Variants in PDE8B observed in about 807,000 individuals in gnomAD.
The protein encoded by PDE8B is high affinity cAMP-specific and IBMX-insensitive 3',5'-cyclic phosphodiesterase 8B.
PDE8B carries 26 observed loss-of-function variants against 101.3 expected under a neutral mutation model. That is an observed-to-expected ratio of 0.26 (90% confidence interval 0.19 to 0.36). PDE8B has a LOEUF of 0.36. PDE8B is among the 10% of genes least tolerant of loss of function. The pLI is 1.00. For synonymous variants in PDE8B, 424 were observed against 429.3 expected (o/e 0.99, Z 0.15); for missense variants, 810 against 1,163.1 (o/e 0.70, Z 4.42).
chr5:77,124,596 AAAG>A, the PDE8B span, among the ~76,000 whole-genome samples: 6 of 147,266 alleles, frequency 4.1e-5, no homozygotes, highest in Admixed American at 1.4e-4. Context: ...AAAAAAAAAA[AAAG>A]AAAGAAAGAA....
At chr5:77,324,191 A>G (rs532089970) in intron 2 of PDE8B, among the ~76,000 whole-genome samples, 94 of 152,294 alleles carry the variant, frequency 6.2e-4, no homozygotes, top group African/African-American at 2.2e-3. Flanking sequence ...TCTTGAGATT[A>G]CTATAGGTTT....
intron 10 of PDE8B, among the ~76,000 whole-genome samples, chr5:77,367,371 C>T (rs541785161): frequency 1.3e-5 from 2 of 152,018 alleles, no homozygotes; most frequent in Non-Finnish European, 2.9e-5. Context: ...GAGTGTCGTC[C>T]CTTGTGGAGT....
At chr5:77,312,472 G>A (rs1772892583) in intron 2 of PDE8B, among the ~76,000 whole-genome samples, 1 of 152,162 alleles carries the variant, frequency 6.6e-6, no homozygotes, top group South Asian at 2.1e-4. Context: ...TGGACAGATT[G>A]CATGGTGGAT....
the PDE8B span, among the ~76,000 whole-genome samples, chr5:77,181,077 AC>A: frequency 1.7e-3 from 43 of 25,540 alleles, no homozygotes; most frequent in East Asian, 5.9e-3. Context: ...CCCTACCCCT[AC>A]CCCAACCCCC....
chr5:77,346,041 A>G (rs1780094267), intron 7 of PDE8B, among the ~76,000 whole-genome samples: 1 of 152,244 alleles, frequency 6.6e-6, no homozygotes, highest in African/African-American at 2.4e-5. Flanking sequence ...CCTATAGTGC[A>G]GATGAGGAAA....
chr5:77,417,541 C>A (rs1319603331), intron 17 of PDE8B, among the ~76,000 whole-genome samples: 1 of 152,184 alleles, frequency 6.6e-6, no homozygotes, highest in Non-Finnish European at 1.5e-5. Context: ...CATCTGATAA[C>A]TCCTAAAGCT....
chr5:77,291,282 G>A (rs1454271362), intron 1 of PDE8B: 1 of 1,613,102 alleles, frequency 6.2e-7, no homozygotes, highest in East Asian at 2.2e-5. Flanking sequence ...GGACCCTAAT[G>A]TTCTCTATGG....
the PDE8B span, chr5:77,147,253 T>A: frequency 3.7e-6 from 1 of 273,742 alleles, no homozygotes; most frequent in African/African-American, 2.3e-5. Context: ...CATTGAGATG[T>A]AAGGCTGTGT....
At chr5:77,413,615 G>C (rs191788716) in intron 17 of PDE8B, among the ~76,000 whole-genome samples, 1 of 152,208 alleles carries the variant, frequency 6.6e-6, no homozygotes, top group African/African-American at 2.4e-5. Flanking sequence ...TTGCAGGACA[G>C]AACTTAATTA....
chr5:77,222,068 T>G (rs1177583209), intron 1 of PDE8B, among the ~76,000 whole-genome samples: 1 of 152,112 alleles, frequency 6.6e-6, no homozygotes, highest in East Asian at 1.9e-4. Flanking sequence ...TGCTATAATT[T>G]TTGTGGCTGC....
At chr5:77,194,678 A>G in the PDE8B span, among the ~76,000 whole-genome samples, 1 of 152,182 alleles carries the variant, frequency 6.6e-6, no homozygotes, top group East Asian at 1.9e-4. Flanking sequence ...GATATTTCAT[A>G]TAAATGGAAT....
the PDE8B span, among the ~76,000 whole-genome samples, chr5:77,173,683 A>T: frequency 6.6e-6 from 1 of 151,928 alleles, no homozygotes; most frequent in Non-Finnish European, 1.5e-5. Context: ...ATACATTTTA[A>T]TTGTTAGTTA....
chr5:77,423,629 TTAG>T (rs1164578738), intron 20 of PDE8B, among the ~76,000 whole-genome samples: 2 of 88,204 alleles, frequency 2.3e-5, no homozygotes, highest in Non-Finnish European at 4.9e-5. Flanking sequence ...TTTGTTTTGT[TTAG>T]TTTTTTTTTT....
At chr5:77,176,528 C>A in the PDE8B span, among the ~76,000 whole-genome samples, 1 of 152,180 alleles carries the variant, frequency 6.6e-6, no homozygotes, top group South Asian at 2.1e-4. Context: ...AGGGTGGATT[C>A]TTTGGCACAT....
the PDE8B span, among the ~76,000 whole-genome samples, chr5:77,100,011 G>T: frequency 1.3e-5 from 2 of 152,220 alleles, no homozygotes; most frequent in African/African-American, 2.4e-5. Flanking sequence ...ATTTGATACT[G>T]ATTTCTATTT....
intron 7 of PDE8B, 88 bp from the exon 8 acceptor site, chr5:77,349,331 C>T: frequency 6.4e-7 from 1 of 1,553,980 alleles, no homozygotes; most frequent in South Asian, 1.1e-5. Context: ...CCTCTGGGTC[C>T]CAACAAGTCT....
At chr5:77,180,180 G>A in the PDE8B span, among the ~76,000 whole-genome samples, 1 of 152,208 alleles carries the variant, frequency 6.6e-6, no homozygotes, top group Non-Finnish European at 1.5e-5. Context: ...GTTGCCCAGA[G>A]CGGAGCAGCT....
chr5:77,407,556 T>C, intron 13 of PDE8B, 99 bp downstream of exon 13: 1 of 849,292 alleles, frequency 1.2e-6, no homozygotes, highest in Non-Finnish European at 2.0e-6. Context: ...CTCAGTCTAG[T>C]GGAAGAAGCA....
the PDE8B span, among the ~76,000 whole-genome samples, chr5:77,180,832 C>A: frequency 6.6e-6 from 1 of 152,342 alleles, no homozygotes; most frequent in South Asian, 2.1e-4. Flanking sequence ...GCTGCTGTTG[C>A]GCCTGGTGTT....
Sources: gnomAD v4.1 joint callset for allele counts (sites outside exome capture counted in the v4.1 genomes callset) on GRCh38, gnomAD v4.1.1 for gene constraint, MANE v1.5 for transcripts, NCBI Gene and HGNC (gene_info 2026-07-23, HGNC 2026-07-21) for gene names.